Variants in SKAP2 observed in about 807,000 individuals in gnomAD.
SKAP2 encodes the protein src kinase-associated phosphoprotein 2.
In SKAP2, 28 loss-of-function variants were observed where a neutral mutation model predicts 54.9. The observed-to-expected ratio is 0.51, with a 90% CI of 0.38 to 0.70. The LOEUF is 0.70. Among genes scored for constraint, SKAP2 ranks in the 30% least tolerant of loss-of-function variants. The probability of loss-of-function intolerance (pLI) is 0.00; values close to 1 mark genes in which losing one functional copy is unlikely to be tolerated. For missense variants in SKAP2, 356 were observed against 424.1 expected (o/e 0.84, Z 1.41); for synonymous variants, 137 against 134.3 (o/e 1.02, Z -0.14).
intron 4 of SKAP2, among the ~76,000 whole-genome samples, chr7:26,806,789 C>A (rs919507449): frequency 2.0e-5 from 3 of 152,150 alleles, no homozygotes; most frequent in Non-Finnish European, 4.4e-5. Flanking sequence ...CAGCTCAAGG[C>A]CCTAACTCTG....
intron 4 of SKAP2, among the ~76,000 whole-genome samples, chr7:26,743,237 G>C (rs1157234717): frequency 2.0e-5 from 3 of 152,098 alleles, no homozygotes; most frequent in Non-Finnish European, 4.4e-5. Flanking sequence ...TTAGTCCTTT[G>C]CACATAGTAG....
At chr7:26,824,757 A>G (rs761140584) in intron 4 of SKAP2, among the ~76,000 whole-genome samples, 6 of 152,194 alleles carry the variant, frequency 3.9e-5, no homozygotes, top group Non-Finnish European at 7.3e-5. Flanking sequence ...GTAAACAAAT[A>G]CGTATGGCTG....
At chr7:26,818,605 C>A (rs1384125745) in intron 4 of SKAP2, among the ~76,000 whole-genome samples, 1 of 152,124 alleles carries the variant, frequency 6.6e-6, no homozygotes, top group East Asian at 1.9e-4. Context: ...AGCTTCTGGA[C>A]AGCAGAAGAA....
chr7:26,712,573 C>G (rs1321755176), intron 9 of SKAP2, among the ~76,000 whole-genome samples: 1 of 152,194 alleles, frequency 6.6e-6, no homozygotes, highest in African/African-American at 2.4e-5. Flanking sequence ...AATCCCAACT[C>G]TGCTATCTCC....
chr7:26,667,400 G>C lies in SKAP2; in HGVS notation c.*2266C>G, dbSNP rs1279088723. 1.3e-5 allele frequency: 2 copies of C among 152,148 alleles called. No homozygotes were observed. Among genetic ancestry groups the C allele is most frequent in the East Asian group, 3.8e-4 (2 of 5,204 alleles). The allele number at this position is 152,148 out of a possible 1,614,324, so 9.4% of individuals were successfully genotyped here. A position where few individuals can be genotyped will look rare whatever the true frequency, so the allele number is the denominator to read the frequency against. ...GTGTAAAGAAAACTCTCCCTGGTTT[G>C]TATACAAATGATTTCATCAAATGAA... On this transcript the variant is annotated 3_prime_UTR_variant, in exon 13 of 13. Coordinates refer to ENST00000345317, the MANE Select transcript of SKAP2 (RefSeq NM_003930.5).
chr7:26,802,665 G>A (rs560235241), intron 4 of SKAP2, among the ~76,000 whole-genome samples: 2 of 152,046 alleles, frequency 1.3e-5, no homozygotes, highest in South Asian at 2.1e-4. Flanking sequence ...GGTGGATCAC[G>A]AGGTCAAGAG....
chr7:26,725,379 C>T, intron 9 of SKAP2, 49 bp downstream of exon 9: 2 of 1,439,118 alleles, frequency 1.4e-6, no homozygotes, highest in Non-Finnish European at 1.9e-6. Context: ...CACTCACACA[C>T]ACACACACAG....
chr7:26,843,457 G>C (rs949472545), intron 4 of SKAP2, among the ~76,000 whole-genome samples: 1 of 151,936 alleles, frequency 6.6e-6, no homozygotes, highest in Non-Finnish European at 1.5e-5. Flanking sequence ...ATTACTAAGA[G>C]ATAAATTTAT....
At chr7:26,754,411 A>T (rs1218518504) in intron 4 of SKAP2, among the ~76,000 whole-genome samples, 1 of 151,958 alleles carries the variant, frequency 6.6e-6, no homozygotes, top group Non-Finnish European at 1.5e-5. Flanking sequence ...AAAAAAAAAA[A>T]AAAACCCAAC....
At chr7:26,837,006 TA>T (rs1464449540) in intron 4 of SKAP2, among the ~76,000 whole-genome samples, 3 of 152,070 alleles carry the variant, frequency 2.0e-5, no homozygotes, top group Admixed American at 1.3e-4. Context: ...TATGCAGCCA[TA>T]AAAAAGGATG....
At position 26,740,589 on chromosome 7, in the gene SKAP2, C is replaced by G. The variant is rs1378295111; in HGVS notation, c.308-625G>C. Among the ~76,000 whole-genome samples, 3 of 152,206 alleles carry G rather than the reference C, an allele frequency of 2.0e-5. No individual in the cohort carries two copies. In the East Asian group the frequency reaches 5.8e-4, roughly 29 times the overall value. ...GGATCCCTAAAAAAAGTTTTTAAAT[C>G]AAGCAAAAGTTAAGTTGATTAGAAA... is the stretch of plus-strand genomic sequence containing the variant. On this transcript the variant is annotated intron_variant, in intron 4 of 12. Coordinates refer to ENST00000345317, the MANE Select transcript of SKAP2 (RefSeq NM_003930.5).
intron 10 of SKAP2, among the ~76,000 whole-genome samples, chr7:26,685,776 TG>T (rs1189533569): frequency 6.6e-6 from 1 of 152,208 alleles, no homozygotes; most frequent in African/African-American, 2.4e-5. Flanking sequence ...TAGACGCTTT[TG>T]TTACACTAAG....
At chr7:26,665,426 C>A (rs956503029), downstream of SKAP2, among the ~76,000 whole-genome samples, 6 of 152,120 alleles carry the variant, frequency 3.9e-5, no homozygotes, top group African/African-American at 1.2e-4. Flanking sequence ...GATATACTAA[C>A]TGTATAAAGG....
At chr7:26,665,371 C>G (rs1786087973), downstream of SKAP2, among the ~76,000 whole-genome samples, 2 of 152,136 alleles carry the variant, frequency 1.3e-5, no homozygotes, top group South Asian at 2.1e-4. Flanking sequence ...TCACTCAATT[C>G]TGTTATAACA....
At chr7:26,832,842 T>C (rs771078679) in intron 4 of SKAP2, among the ~76,000 whole-genome samples, 18 of 151,996 alleles carry the variant, frequency 1.2e-4, no homozygotes, top group Non-Finnish European at 2.6e-4. Flanking sequence ...AAGAGAAGAC[T>C]CAGAGATGCT....
chr7:26,785,201 G>T (rs1363264369), intron 4 of SKAP2, among the ~76,000 whole-genome samples: 1 of 150,734 alleles, frequency 6.6e-6, no homozygotes, highest in Non-Finnish European at 1.5e-5. Context: ...TTTTTTGTTT[G>T]TTTTTTTTTA....
intron 11 of SKAP2, among the ~76,000 whole-genome samples, chr7:26,683,753 C>T (rs1349520254): frequency 6.6e-6 from 1 of 152,144 alleles, no homozygotes; most frequent in African/African-American, 2.4e-5. Flanking sequence ...ATTTTATGCA[C>T]CAGCCATCTA....
chr7:26,735,900 A>T (rs1334750985), intron 6 of SKAP2, among the ~76,000 whole-genome samples: 1 of 152,176 alleles, frequency 6.6e-6, no homozygotes, highest in Non-Finnish European at 1.5e-5. Context: ...AAAGAGAGGA[A>T]CTGGCTAAAA....
At chr7:26,779,357 T>C (rs1037395160) in intron 4 of SKAP2, among the ~76,000 whole-genome samples, 1 of 152,014 alleles carries the variant, frequency 6.6e-6, no homozygotes, top group African/African-American at 2.4e-5. Flanking sequence ...TCTGAACTAA[T>C]GGAAATAATT....
Sources: gnomAD v4.1 joint callset for allele counts (sites outside exome capture counted in the v4.1 genomes callset) on GRCh38, gnomAD v4.1.1 for gene constraint, MANE v1.5 for transcripts, NCBI Gene and HGNC (gene_info 2026-07-23, HGNC 2026-07-21) for gene names.